Variants in SHFL observed in about 807,000 individuals in gnomAD.
SHFL encodes shiftless antiviral inhibitor of ribosomal frameshifting protein.
In SHFL, 12 loss-of-function variants were observed where a neutral mutation model predicts 34.7. The observed-to-expected ratio is 0.35, with a 90% CI of 0.22 to 0.56. The LOEUF (loss-of-function observed/expected upper bound fraction) is 0.56, where lower values mean the gene tolerates loss of function less well. SHFL is among the 20% of genes least tolerant of loss of function. The probability of loss-of-function intolerance (pLI) is 0.88; values close to 1 mark genes in which losing one functional copy is unlikely to be tolerated. For synonymous variants in SHFL, 148 were observed against 156.0 expected, an observed-to-expected ratio of 0.95 and a Z score of 0.38; for missense variants, 278 against 411.1, an observed-to-expected ratio of 0.68 and a Z score of 2.80.
rs1165116208 is a variant in SHFL at position 10,093,095 on chromosome 19, C to T, written c.*793C>T. On this transcript the variant is annotated 3_prime_UTR_variant, in exon 8 of 8. Transcript: ENST00000253110. The stretch of plus-strand genomic sequence containing the variant: ...CTACTTCCTTTCTAGAATAAGAGTA[C>T]TAGCTCTCACCCTCTGCCCTTTACT... The T allele has an allele frequency of 5.6e-6, 3 of 537,616 alleles. No individual in the cohort carries two copies. Among genetic ancestry groups the T allele is most frequent in the Non-Finnish European group, 9.8e-6 (3 of 307,192 alleles). The allele number at this position is 537,616 out of a possible 1,614,324, so 33.3% of individuals were successfully genotyped here. A position where few individuals can be genotyped will look rare whatever the true frequency, so the allele number is the denominator to read the frequency against.
Position 10,089,694 on chromosome 19 carries a change from A to T in SHFL, c.233A>T (p.Gln78Leu). The T allele has an allele frequency of 1.3e-6, 2 of 1,598,176 alleles. No individual in the cohort carries two copies. The highest frequency in any genetic ancestry group is 1.1e-5 in the South Asian group (1 of 88,298). Residue 78 changes from glutamine (Q) to leucine (L), a missense_variant and splice_region_variant, in exon 4 of 8, where the codon CAG (glutamine) becomes CTG (leucine). Physicochemically the swap from Gln to Leu is moderately radical, Grantham distance 113. This residue lies in a region of SHFL where 243 missense variants were observed against 386.2 expected (regional missense o/e 0.63). Transcript: ENST00000253110. Reference protein sequence around the residue: ...PEDMKQDRDIQAVATSLLPLT... With the variant: ...PEDMKQDRDILAVATSLLPLT... Reference sequence around the variant, plus strand: ...GATATGAAGCAGGACCGGGACATTCAGGTGAGTTGGTGGCTAGGGCTTGGG... The same window carrying T: ...GATATGAAGCAGGACCGGGACATTCTGGTGAGTTGGTGGCTAGGGCTTGGG...
At position 10,087,315 on chromosome 19, in the gene SHFL, C is replaced by T; in HGVS notation, c.195+15C>T. On this transcript the variant is annotated intron_variant, in intron 3 of 7. Coordinates refer to ENST00000253110, the MANE Select transcript of SHFL (RefSeq NM_018381.4). ...TGGATGCCCAGGTAACCTATCCCCTCCCCTCGCAAAGGACCGGGTCACGGG... is the reference window on the plus strand; with the variant it reads ...TGGATGCCCAGGTAACCTATCCCCTTCCCTCGCAAAGGACCGGGTCACGGG... 6.2e-7 allele frequency: 1 copy of T among 1,614,022 alleles called. No homozygotes were observed. Among genetic ancestry groups the T allele is most frequent in the South Asian group, 1.1e-5 (1 of 91,082 alleles).
chr19:10,087,151 G>C (rs1030418352), intron 2 of SHFL, 99 bp downstream of exon 2: 3 of 1,591,750 alleles, frequency 1.9e-6, no homozygotes, highest in South Asian at 1.1e-5. Flanking sequence ...CTCCCCCGGA[G>C]GTCCCAGCCT....
intron 3 of SHFL, among the ~76,000 whole-genome samples, chr19:10,088,704 G>A (rs1030589453): frequency 6.6e-6 from 1 of 152,122 alleles, no homozygotes; most frequent in South Asian, 2.1e-4. Flanking sequence ...CCAGCACTTT[G>A]GGAGGTTGAG....
intron 3 of SHFL, chr19:10,088,352 C>G (rs539122633): frequency 6.7e-6 from 1 of 148,952 alleles, no homozygotes; most frequent in East Asian, 2.0e-4. Context: ...ATCATGAGGT[C>G]AGGAGATCGA....
Position 10,086,546 on chromosome 19 carries a change from A to G in SHFL, c.21+98A>G. On this transcript the variant is annotated intron_variant, in intron 1 of 7. Transcript: ENST00000253110. The surrounding 1 kb of genome is among the most constrained non-coding windows in gnomAD (Gnocchi z 5.2). The stretch of plus-strand genomic sequence containing the variant: ...GGCTTCGCAGTTCCTGGGGACCCCC[A>G]TCCTAGAACCCCAGATCCTTACCCC... 8.7e-7 allele frequency: 1 copy of G among 1,144,442 alleles called. No homozygotes were observed. Among genetic ancestry groups the G allele is most frequent in the Non-Finnish European group, 1.1e-6 (1 of 880,714 alleles). The allele number at this position is 1,144,442 out of a possible 1,614,324, so 70.9% of individuals were successfully genotyped here. A position where few individuals can be genotyped will look rare whatever the true frequency, so the allele number is the denominator to read the frequency against.
Position 10,086,367 on chromosome 19 carries a change from G to A in SHFL, c.-61G>A, listed in dbSNP as rs934177106. 6 of 1,263,408 alleles carry A rather than the reference G, an allele frequency of 4.7e-6. No individual in the cohort carries two copies. Among genetic ancestry groups the A allele is most frequent in the Non-Finnish European group, 6.0e-6 (6 of 996,422 alleles). The allele number at this position is 1,263,408 out of a possible 1,614,324, so 78.3% of individuals were successfully genotyped here. A position where few individuals can be genotyped will look rare whatever the true frequency, so the allele number is the denominator to read the frequency against. ...GCTGCTGGACCGACGGGCGCACCCA[G>A]GTAGGGGGGCGGCTGAGCCGCGCAG... On this transcript the variant is annotated 5_prime_UTR_variant, in exon 1 of 8. Transcript: ENST00000253110. The surrounding 1 kb of genome is among the most constrained non-coding windows in gnomAD (Gnocchi z 5.2).
rs575162051 is a variant in SHFL at position 10,091,766 on chromosome 19, G to A, written c.643+136G>A. 6 of 1,242,426 alleles carry A rather than the reference G, an allele frequency of 4.8e-6. No homozygotes were observed. Among genetic ancestry groups the A allele is most frequent in the Admixed American group, 2.8e-5 (1 of 35,838 alleles). The allele number at this position is 1,242,426 out of a possible 1,614,324, so 77.0% of individuals were successfully genotyped here. A position where few individuals can be genotyped will look rare whatever the true frequency, so the allele number is the denominator to read the frequency against. ...TCCACATGGCCTCCATGACCCCCCA[G>A]TCTCCGTGGTCTTGCCCAGGAGGCT... On this transcript the variant is annotated intron_variant, in intron 7 of 7. Coordinates refer to ENST00000253110, the MANE Select transcript of SHFL (RefSeq NM_018381.4). This position sits in a 1 kb window ranked among gnomAD's most constrained non-coding sequence, Gnocchi z 8.2.
Position 10,092,326 on chromosome 19 carries a change from C to G in SHFL, c.*24C>G, listed in dbSNP as rs1245625557. 1.9e-6 allele frequency: 3 copies of G among 1,557,438 alleles called. No homozygotes were observed. Among genetic ancestry groups the G allele is most frequent in the Non-Finnish European group, 2.6e-6 (3 of 1,151,312 alleles). On this transcript the variant is annotated 3_prime_UTR_variant, in exon 8 of 8. Coordinates refer to ENST00000253110, the MANE Select transcript of SHFL (RefSeq NM_018381.4). Reference sequence around the variant, plus strand: ...GACCCCTGCCAGGTGCAGATACAAACCAGACACGGTCTGTGGCTACTTTGT... The same window carrying G: ...GACCCCTGCCAGGTGCAGATACAAAGCAGACACGGTCTGTGGCTACTTTGT...
intron 5 of SHFL, 39 bp downstream of exon 5, chr19:10,090,086 G>C (rs746981538): frequency 6.4e-7 from 1 of 1,574,758 alleles, no homozygotes; most frequent in Non-Finnish European, 8.6e-7. Context: ...TGACTGTCCC[G>C]AACTCCACTC....
At position 10,087,063 on chromosome 19, in the gene SHFL, A is replaced by G. The variant is rs1397960555; in HGVS notation, c.145+11A>G. 1 of 1,609,066 alleles carries G rather than the reference A, an allele frequency of 6.2e-7. No homozygotes were observed. Among genetic ancestry groups the G allele is most frequent in the Non-Finnish European group, 8.5e-7 (1 of 1,177,568 alleles). ...GCTCCATCGTGTACGGTGAGGCTGC[A>G]GGGGTCCCGGGCCTGGTGCGGGGAC... On this transcript the variant is annotated intron_variant, in intron 2 of 7. Coordinates refer to ENST00000253110, the MANE Select transcript of SHFL (RefSeq NM_018381.4).
Position 10,087,241 on chromosome 19 carries a change from T to C in SHFL, c.146-10T>C, listed in dbSNP as rs2088303352. The C allele has an allele frequency of 6.2e-7, 1 of 1,613,678 alleles. No homozygotes were observed. The highest frequency in any genetic ancestry group is 1.3e-5 in the African/African-American group (1 of 74,852). ...AAGGGCCCTTCCCTTATATGCACTC[T>C]CCCCCGCAGGGGTAAAGCAAAAAGA... On this transcript the variant is annotated splice_polypyrimidine_tract_variant and intron_variant, in intron 2 of 7. Transcript: ENST00000253110.
intron 3 of SHFL, 119 bp from the exon 4 acceptor site, chr19:10,089,538 G>A (rs900546175): frequency 2.2e-5 from 31 of 1,416,138 alleles, no homozygotes; most frequent in Non-Finnish European, 2.7e-5. Flanking sequence ...GTGGTGCTCT[G>A]TGAGCTTCTG....
In SHFL at chr19:10,089,878, C is replaced by T. The variant is rs373536863; in HGVS notation, c.235-20C>T. 28 of 1,608,694 alleles carry T rather than the reference C, an allele frequency of 1.7e-5. No homozygotes were observed. In the African/African-American group the frequency reaches 3.3e-4, roughly 19 times the overall value. ...GGGGTGACACCCCCCCACCTCATCC[C>T]CACCTGCCCCATTCCACAGGCAGTG... On this transcript the variant is annotated intron_variant, in intron 4 of 7. Transcript: ENST00000253110.
chr19:10,089,906 G>T lies in SHFL; in HGVS notation c.243G>T (p.Ala81=). Residue 81 remains alanine (A), a synonymous_variant, in exon 5 of 8, where the codon GCG becomes GCT. Coordinates refer to ENST00000253110, the MANE Select transcript of SHFL (RefSeq NM_018381.4). ...MKQDRDIQAV[A]TSLLPLTEAN... The stretch of plus-strand genomic sequence containing the variant: ...CCTGCCCCATTCCACAGGCAGTGGC[G>T]ACCTCCCTCCTGCCACTGACAGAAG... The T allele has an allele frequency of 6.2e-7, 1 of 1,611,122 alleles. No individual in the cohort carries two copies. The highest frequency in any genetic ancestry group is 8.5e-7 in the Non-Finnish European group (1 of 1,179,000).
In SHFL at chr19:10,092,270, G is replaced by A. The variant is rs368765450; in HGVS notation, c.844G>A (p.Val282Met). Reference protein sequence around the residue: ...LKEEEEEEEEVEDEEGGPRE With the variant: ...LKEEEEEEEEMEDEEGGPRE ...GGAGGAGGAGGAGGAAGAGGAGGAG[G>A]TGGAGGACGAGGAGGGCGGGCCCAG... The change falls in exon 8 of 8, where the codon GTG (valine) becomes ATG (methionine). Residue 282 changes from valine (V) to methionine (M), a missense_variant. Val to Met is a conservative substitution (Grantham distance 21, BLOSUM62 1). This residue lies in a region of SHFL where 35 missense variants were observed against 24.9 expected (regional missense o/e 1.41). Coordinates refer to ENST00000253110, the MANE Select transcript of SHFL (RefSeq NM_018381.4). 2.6e-5 allele frequency: 42 copies of A among 1,599,840 alleles called. No individual in the cohort carries two copies. The African/African-American group carries it at 4.3e-4, about 16-fold the overall frequency.
Position 10,091,892 on chromosome 19 carries a change from G to A in SHFL, c.644-178G>A. The A allele has an allele frequency of 1.1e-6, 1 of 877,182 alleles. No individual in the cohort carries two copies. The highest frequency in any genetic ancestry group is 1.7e-5 in the South Asian group (1 of 58,402). The allele number at this position is 877,182 out of a possible 1,614,324, so 54.3% of individuals were successfully genotyped here. On this transcript the variant is annotated intron_variant, in intron 7 of 7. Coordinates refer to ENST00000253110, the MANE Select transcript of SHFL (RefSeq NM_018381.4). The surrounding 1 kb of genome is among the most constrained non-coding windows in gnomAD (Gnocchi z 8.2). The stretch of plus-strand genomic sequence containing the variant: ...CCTGTTTTGTCCCCTGTAATCTCAG[G>A]TGACCCCCATGTCCCCAGGTCTCCT...
chr19:10,091,415 GCCCTGGCCCCA>G lies in SHFL; in HGVS notation c.489-51_489-41del. ...CCCTACCCCAGCCCTGCCCCTCCCT[GCCCTGGCCCCA>G]CCCTGGCCCAGCCTCGCCCTCGGAC... On this transcript the variant is annotated intron_variant, in intron 6 of 7. Transcript: ENST00000253110. This position sits in a 1 kb window ranked among gnomAD's most constrained non-coding sequence, Gnocchi z 8.2. The G allele has an allele frequency of 1.4e-6, 2 of 1,467,810 alleles. No homozygotes were observed. The highest frequency in any genetic ancestry group is 1.3e-5 in the South Asian group (1 of 78,966). The allele number at this position is 1,467,810 out of a possible 1,614,324, so 90.9% of individuals were successfully genotyped here. A position where few individuals can be genotyped will look rare whatever the true frequency, so the allele number is the denominator to read the frequency against.
intron 5 of SHFL, among the ~76,000 whole-genome samples, chr19:10,090,784 T>C (rs1465352554): frequency 6.6e-6 from 1 of 151,718 alleles, no homozygotes; most frequent in African/African-American, 2.4e-5. Flanking sequence ...GGTGTGTGCC[T>C]GTGGTCCCAA....
Sources: allele counts gnomAD v4.1 joint callset (sites outside exome capture counted in the v4.1 genomes callset), GRCh38; gene constraint gnomAD v4.1.1; regional missense constraint gnomAD v4.1.1; non-coding constraint Gnocchi (gnomAD v3.1); transcripts MANE v1.5; gene names NCBI Gene and HGNC (gene_info 2026-07-23, HGNC 2026-07-21).